TRPM3: variants seen among roughly 807,000 people sequenced by gnomAD.
TRPM3 encodes transient receptor potential cation channel subfamily M member 3, also known as long transient receptor potential channel 3.
A neutral mutation model predicts 181.2 loss-of-function variants in TRPM3; 77 were observed. That is an observed-to-expected ratio of 0.42 (90% CI 0.35 to 0.51). The LOEUF (loss-of-function observed/expected upper bound fraction) is 0.51. TRPM3 is among the 20% of genes least tolerant of loss of function. The pLI, the probability that TRPM3 is intolerant of heterozygous loss-of-function variation, is 0.01. For synonymous variants in TRPM3, 745 were observed against 796.4 expected (o/e 0.94, Z 1.09); for missense variants, 1,759 against 2,196.7 (o/e 0.80, Z 3.98).
At chr9:70,897,777 A>T (rs1025515296) in intron 1 of TRPM3, among the ~76,000 whole-genome samples, 3 of 152,138 alleles carry the variant, frequency 2.0e-5, no homozygotes, top group African/African-American at 7.2e-5. Flanking sequence ...TTGGTGCAAA[A>T]ATAATTACTT....
rs112239054 is a variant in TRPM3, at chr9:70,578,278, C to T, written c.3223+12753G>A. On this transcript the variant is annotated intron_variant, in intron 22 of 25. Coordinates refer to ENST00000677713, the MANE Select transcript of TRPM3 (RefSeq NM_001366145.2). ...ACTCAGACCACTTTCTTTGTGAGTGCGTCATGGTGCTTTTGTATCCAAAAA... is the reference window on the plus strand; with the variant it reads ...ACTCAGACCACTTTCTTTGTGAGTGTGTCATGGTGCTTTTGTATCCAAAAA... Among the ~76,000 whole-genome samples, 949 of 125,800 alleles carry T rather than the reference C, an allele frequency of 7.5e-3. 14 individuals are homozygous for T. Among genetic ancestry groups the T allele is most frequent in the African/African-American group, 0.027 (884 of 32,890 alleles). The allele number at this position is 125,800 out of a possible 152,430, so 82.5% of individuals were successfully genotyped here. A position where few individuals can be genotyped will look rare whatever the true frequency, so the allele number is the denominator to read the frequency against.
intron 1 of TRPM3, among the ~76,000 whole-genome samples, chr9:71,337,690 C>T (rs2090656832): frequency 6.6e-6 from 1 of 152,144 alleles, no homozygotes; most frequent in African/African-American, 2.4e-5. Flanking sequence ...CCCAAATTCC[C>T]ATCAATGGTA....
At chr9:71,159,987 T>A (rs1378918154) in intron 1 of TRPM3, among the ~76,000 whole-genome samples, 1 of 152,078 alleles carries the variant, frequency 6.6e-6, no homozygotes, top group Non-Finnish European at 1.5e-5. Context: ...TATCAGACCC[T>A]ATAGGACTCA....
intron 1 of TRPM3, among the ~76,000 whole-genome samples, chr9:71,045,456 C>T (rs1439730040): frequency 1.3e-5 from 2 of 152,216 alleles, no homozygotes; most frequent in Non-Finnish European, 2.9e-5. Flanking sequence ...GTGCTGGCCT[C>T]TAAGTTTTCT....
At chr9:71,180,226 T>C (rs2077325829) in intron 1 of TRPM3, among the ~76,000 whole-genome samples, 1 of 151,994 alleles carries the variant, frequency 6.6e-6, no homozygotes, top group African/African-American at 2.4e-5. Flanking sequence ...AGCTAATTTT[T>C]GTATTTTTAA....
At chr9:70,794,947 GA>G (rs564002059) in intron 6 of TRPM3, among the ~76,000 whole-genome samples, 47 of 152,006 alleles carry the variant, frequency 3.1e-4, no homozygotes, top group African/African-American at 1.1e-3. Context: ...AAAATATTCT[GA>G]AAAAAAATTA....
intron 1 of TRPM3, among the ~76,000 whole-genome samples, chr9:71,096,739 C>T (rs7026563): frequency 0.22 from 33,575 of 151,780 alleles, 4,062 homozygotes; most frequent in African/African-American, 0.31. Context: ...AACAAACAGT[C>T]CTTCATAATT....
At chr9:71,289,826 G>T (rs886684991) in intron 1 of TRPM3, among the ~76,000 whole-genome samples, 1 of 126,632 alleles carries the variant, frequency 7.9e-6, no homozygotes, top group African/African-American at 2.9e-5. Flanking sequence ...TAAGAGTTAA[G>T]ATGGTGCCAA....
chr9:70,997,497 A>T (rs2097551480), intron 1 of TRPM3, among the ~76,000 whole-genome samples: 1 of 152,092 alleles, frequency 6.6e-6, no homozygotes, highest in African/African-American at 2.4e-5. Flanking sequence ...GCCCGGCCCT[A>T]TCTTAATACT....
rs923940825 is a variant in TRPM3 at position 71,121,459 on chromosome 9, C to T, written c.-105G>A. 35 of 1,462,924 alleles carry T rather than the reference C, an allele frequency of 2.4e-5. No homozygotes were observed. Among genetic ancestry groups the T allele is most frequent in the Middle Eastern group, 2.5e-4 (1 of 3,982 alleles). The allele number at this position is 1,462,924 out of a possible 1,614,324, so 90.6% of individuals were successfully genotyped here. On this transcript the variant is annotated 5_prime_UTR_variant, in exon 1 of 26. Transcript: ENST00000677713. ...CCTGAGCCCCTGAACCTTCTTAAAA[C>T]AGCCACCTCCCCTCTCTCTGCAGCC... is the stretch of plus-strand genomic sequence containing the variant.
At chr9:70,541,148 G>C (rs747233070) in intron 25 of TRPM3, among the ~76,000 whole-genome samples, 12 of 152,158 alleles carry the variant, frequency 7.9e-5, no homozygotes, top group Non-Finnish European at 1.5e-4. Flanking sequence ...AGTCTCTTCA[G>C]GGAAAGAGAG....
chr9:70,807,202 T>C (rs1344002522), intron 6 of TRPM3, among the ~76,000 whole-genome samples: 2 of 152,160 alleles, frequency 1.3e-5, no homozygotes, highest in Non-Finnish European at 2.9e-5. Context: ...TTTGAATAAA[T>C]GGAGGAAAAT....
chr9:71,071,085 G>T (rs1252881842), intron 1 of TRPM3, among the ~76,000 whole-genome samples: 1 of 152,150 alleles, frequency 6.6e-6, no homozygotes, highest in African/African-American at 2.4e-5. Context: ...TTAGTCTTCA[G>T]GGGTGATGAG....
At chr9:70,635,917 C>T (rs578073968) in intron 11 of TRPM3, among the ~76,000 whole-genome samples, 48 of 152,156 alleles carry the variant, frequency 3.2e-4, no homozygotes, top group Middle Eastern at 6.8e-3. Flanking sequence ...GTTTTGCAGC[C>T]GGGGGCTGGG....
chr9:71,187,965 T>C (rs549671722), intron 1 of TRPM3, among the ~76,000 whole-genome samples: 2 of 151,748 alleles, frequency 1.3e-5, no homozygotes, highest in Non-Finnish European at 2.9e-5. Context: ...TCGCATTTTT[T>C]AAAAAAGTTA....
At chr9:70,696,088 A>G (rs1294744065) in intron 8 of TRPM3, among the ~76,000 whole-genome samples, 1 of 152,222 alleles carries the variant, frequency 6.6e-6, no homozygotes, top group African/African-American at 2.4e-5. Flanking sequence ...ATCAGCTTGA[A>G]GAAGGGGCAA....
intron 9 of TRPM3, among the ~76,000 whole-genome samples, chr9:70,678,352 T>C (rs2064557604): frequency 1.3e-5 from 2 of 152,062 alleles, no homozygotes; most frequent in Admixed American, 1.3e-4. Context: ...ACTGCAGCCA[T>C]AACCTCCTGG....
intron 1 of TRPM3, among the ~76,000 whole-genome samples, chr9:71,133,682 G>C (rs992736653): frequency 5.3e-5 from 8 of 152,100 alleles, no homozygotes; most frequent in African/African-American, 1.9e-4. Context: ...ATTGTCATGT[G>C]AATTGCTAGT....
rs61369155 is a variant in TRPM3 at position 70,900,028 on chromosome 9, T to G, written c.178-35517A>C. Reference sequence around the variant, plus strand: ...TTCCTTCTTGGGCAGAAGAAACATTTAGAGAATCTCAAGGTTAGAAAGGAC... The same window carrying G: ...TTCCTTCTTGGGCAGAAGAAACATTGAGAGAATCTCAAGGTTAGAAAGGAC... On this transcript the variant is annotated intron_variant, in intron 1 of 25. Coordinates refer to ENST00000677713, the MANE Select transcript of TRPM3 (RefSeq NM_001366145.2). Among the ~76,000 whole-genome samples the G allele has an allele frequency of 4.7e-3, 716 of 152,320 alleles. 3 individuals are homozygous for G. The highest frequency in any genetic ancestry group is 0.016 in the African/African-American group (685 of 41,560).
Sources: allele counts gnomAD v4.1 joint callset (sites outside exome capture counted in the v4.1 genomes callset), GRCh38; gene constraint gnomAD v4.1.1; transcripts MANE v1.5; gene names NCBI Gene and HGNC (gene_info 2026-07-23, HGNC 2026-07-21).